Variants in TEC observed in about 807,000 individuals in gnomAD.
TEC encodes the protein tyrosine-protein kinase Tec.
A neutral mutation model predicts 93.0 loss-of-function variants in TEC; 72 were observed. The ratio of observed to expected loss-of-function variants is 0.77; its 90% CI spans 0.64 to 0.94. The LOEUF (loss-of-function observed/expected upper bound fraction) is 0.94. Among genes scored for constraint, TEC ranks in the 40% least tolerant of loss-of-function variants. The probability of loss-of-function intolerance (pLI) is 0.00; values close to 1 mark genes in which losing one functional copy is unlikely to be tolerated. For missense variants in TEC, 630 were observed against 757.9 expected (o/e 0.83, Z 1.98); for synonymous variants, 249 against 247.7 (o/e 1.01, Z -0.05).
chr4:48,237,334 AGAG>A (rs1208526864), intron 1 of TEC, among the ~76,000 whole-genome samples: 1 of 148,966 alleles, frequency 6.7e-6, no homozygotes. Context: ...AAAAAAAAAG[AGAG>A]AGAGAGAAAA....
intron 1 of TEC, among the ~76,000 whole-genome samples, chr4:48,264,938 C>T (rs1724593944): frequency 6.6e-6 from 1 of 152,234 alleles, no homozygotes; most frequent in Non-Finnish European, 1.5e-5. Flanking sequence ...CCTGCCTGAA[C>T]CCCAGACCTT....
chr4:48,178,850 G>T (rs114252150), intron 2 of TEC, among the ~76,000 whole-genome samples: 1,690 of 152,286 alleles, frequency 0.011, 26 homozygotes, highest in African/African-American at 0.039. Context: ...TAAAAGAGAA[G>T]ACAGTGCACC....
intron 2 of TEC, among the ~76,000 whole-genome samples, chr4:48,185,013 A>G (rs114978984): frequency 0.014 from 2,123 of 152,176 alleles, 22 homozygotes; most frequent in Non-Finnish European, 0.023. Context: ...TACCATCTGC[A>G]AAGCACAGAT....
Position 48,170,429 on chromosome 4 carries a change from A to G in TEC, c.326-53T>C, listed in dbSNP as rs894094519. 23 of 1,194,044 alleles carry G rather than the reference A, an allele frequency of 1.9e-5. No homozygotes were observed. In the African/African-American group the frequency reaches 3.2e-4, roughly 17 times the overall value. 74.0% of individuals were successfully genotyped at this position (1,194,044 alleles called of 1,614,324 possible). A position where few individuals can be genotyped will look rare whatever the true frequency, so the allele number is the denominator to read the frequency against. ...AGTGAAATACAAAAGCAACTACAGA[A>G]TGTTTCATAAATAACAGTGTCGATC... On this transcript the variant is annotated intron_variant, in intron 4 of 17. Transcript: ENST00000381501.
chr4:48,179,363 TATATATATA>T (rs1178264640), intron 2 of TEC, among the ~76,000 whole-genome samples: 56 of 41,260 alleles, frequency 1.4e-3, no homozygotes, highest in African/African-American at 2.4e-3. Context: ...TATATATATA[TATATATATA>T]TATATTTTTT....
At chr4:48,228,791 T>A in intron 1 of TEC, 132 bp from the exon 2 acceptor site, 1 of 638,832 alleles carries the variant, frequency 1.6e-6, no homozygotes, top group African/African-American at 1.9e-5. Context: ...GTGCCCAAAC[T>A]GAGAATGCCT....
chr4:48,235,075 A>G (rs77014870), intron 1 of TEC, among the ~76,000 whole-genome samples: 40 of 146,766 alleles, frequency 2.7e-4, no homozygotes, highest in Admixed American at 5.5e-4. Flanking sequence ...GAATAATAGG[A>G]AAAAAAAAAA....
At chr4:48,261,171 G>T (rs1033078333) in intron 1 of TEC, among the ~76,000 whole-genome samples, 6 of 152,092 alleles carry the variant, frequency 3.9e-5, no homozygotes, top group African/African-American at 1.4e-4. Flanking sequence ...TTCATGCAAT[G>T]CTTCTATAAC....
chr4:48,152,219 A>T (rs1406829354), intron 9 of TEC, among the ~76,000 whole-genome samples: 1 of 152,120 alleles, frequency 6.6e-6, no homozygotes, highest in East Asian at 1.9e-4. Context: ...TGAGGTCGTG[A>T]GTTTAAGACT....
chr4:48,221,169 C>T (rs1007373357), intron 2 of TEC, among the ~76,000 whole-genome samples: 4 of 152,202 alleles, frequency 2.6e-5, no homozygotes, highest in African/African-American at 9.7e-5. Flanking sequence ...AGCACAGAAG[C>T]TTCTGTCTCC....
Position 48,167,858 on chromosome 4 carries a change from A to G in TEC, c.591T>C (p.Asp197=). Residue 197 remains aspartate, a synonymous_variant, in exon 7 of 18, where the codon GAT becomes GAC. Coordinates refer to ENST00000381501, the MANE Select transcript of TEC (RefSeq NM_003215.3). ...MYDFQAAEGH[D]LRLERGQEYL... Reference sequence around the variant, plus strand: ...ACTCTTGGCCTCTCTCTAATCTGAGATCATGTCCTTCTGCTGCTTGGAAAT... The same window carrying G: ...ACTCTTGGCCTCTCTCTAATCTGAGGTCATGTCCTTCTGCTGCTTGGAAAT... 1 of 1,613,914 alleles carries G rather than the reference A, an allele frequency of 6.2e-7. No homozygotes were observed. Among genetic ancestry groups the G allele is most frequent in the Non-Finnish European group, 8.5e-7 (1 of 1,179,904 alleles).
At chr4:48,244,293 A>C (rs1206559622) in intron 1 of TEC, among the ~76,000 whole-genome samples, 1 of 152,194 alleles carries the variant, frequency 6.6e-6, no homozygotes, top group South Asian at 2.1e-4. Context: ...CAATTTACAA[A>C]GGAAAGAGGT....
intron 2 of TEC, among the ~76,000 whole-genome samples, chr4:48,180,926 T>C (rs1721558362): frequency 6.6e-6 from 1 of 152,178 alleles, no homozygotes; most frequent in African/African-American, 2.4e-5. Flanking sequence ...GATGAAGTTC[T>C]AAACCAAGTC....
At chr4:48,149,520 A>C in intron 11 of TEC, 37 bp downstream of exon 11, 1 of 1,551,446 alleles carries the variant, frequency 6.4e-7, no homozygotes, top group Non-Finnish European at 8.7e-7. Flanking sequence ...TTTAATCACT[A>C]CCTTATATTT....
intron 3 of TEC, among the ~76,000 whole-genome samples, chr4:48,172,838 T>C (rs1011837089): frequency 9.2e-5 from 14 of 152,186 alleles, no homozygotes; most frequent in African/African-American, 3.4e-4. Context: ...TTTTCACATT[T>C]ATGCAGGCTT....
At chr4:48,138,336 T>A (rs1719515628) in intron 17 of TEC, among the ~76,000 whole-genome samples, 1 of 152,140 alleles carries the variant, frequency 6.6e-6, no homozygotes, top group African/African-American at 2.4e-5. Flanking sequence ...AAAAAAATAA[T>A]ACTTCAACTC....
chr4:48,208,444 T>C (rs1026278073), intron 2 of TEC, among the ~76,000 whole-genome samples: 8 of 152,150 alleles, frequency 5.3e-5, no homozygotes, highest in African/African-American at 1.9e-4. Flanking sequence ...TGCCTGTTAC[T>C]TAAAAAACAA....
intron 1 of TEC, among the ~76,000 whole-genome samples, chr4:48,256,379 T>C (rs946585255): frequency 6.7e-6 from 1 of 149,704 alleles, no homozygotes; most frequent in Non-Finnish European, 1.5e-5. Context: ...AGCCTAGGAG[T>C]TCGAGACCAG....
At chr4:48,187,146 C>A (rs1271069782) in intron 2 of TEC, among the ~76,000 whole-genome samples, 2 of 152,186 alleles carry the variant, frequency 1.3e-5, no homozygotes, top group Non-Finnish European at 2.9e-5. Flanking sequence ...ACCCGGTGCT[C>A]TCTGAAACAT....
Sources: gnomAD v4.1 joint callset for allele counts (sites outside exome capture counted in the v4.1 genomes callset) on GRCh38, gnomAD v4.1.1 for gene constraint, MANE v1.5 for transcripts, NCBI Gene and HGNC (gene_info 2026-07-23, HGNC 2026-07-21) for gene names.